Variants in KDM2B observed in about 807,000 individuals in gnomAD.
KDM2B encodes the protein lysine demethylase 2B.
KDM2B carries 26 observed loss-of-function variants against 150.0 expected under a neutral mutation model. The ratio of observed to expected loss-of-function variants is 0.17; its 90% CI spans 0.13 to 0.24. KDM2B has a LOEUF of 0.24. Among genes scored for constraint, KDM2B ranks in the 10% least tolerant of loss-of-function variants. The pLI is 1.00. For missense variants in KDM2B, 1,265 were observed against 1,816.9 expected (o/e 0.70, Z 5.52); for synonymous variants, 734 against 729.5 (o/e 1.01, Z -0.10).
At chr12:121,534,469 T>C (rs782808105) in intron 7 of KDM2B, 28 bp downstream of exon 7, 24 of 1,555,550 alleles carry the variant, frequency 1.5e-5, no homozygotes, top group Non-Finnish European at 1.9e-5. Flanking sequence ...TAGAGATGCA[T>C]AGAAAGTTAA....
chr12:121,435,289 T>C (rs1164230403), intron 22 of KDM2B, among the ~76,000 whole-genome samples: 5 of 152,228 alleles, frequency 3.3e-5, no homozygotes, highest in Non-Finnish European at 7.3e-5. Context: ...ATATTATGTA[T>C]TATTTTACTA....
chr12:121,522,350 T>A (rs1886764323), intron 8 of KDM2B, among the ~76,000 whole-genome samples: 1 of 148,040 alleles, frequency 6.8e-6, no homozygotes, highest in Admixed American at 6.7e-5. Flanking sequence ...ACCCTGTCTC[T>A]ATTAAAAATA....
Position 121,452,056 on chromosome 12 carries a change from A to T in KDM2B, c.1959+1064T>A, listed in dbSNP as rs1877373085. 2.6e-5 allele frequency among the ~76,000 whole-genome samples: 4 copies of T among 152,312 alleles called. No homozygotes were observed. The South Asian group carries it at 8.3e-4, about 32-fold the overall frequency. ...TAAACAAGCCAATCCAATCACAGAA[A>T]GCCAATTACTGCATAATTCCACTTC... is the stretch of plus-strand genomic sequence containing the variant. On this transcript the variant is annotated intron_variant, in intron 13 of 22. Transcript: ENST00000377071. This position sits in a 1 kb window ranked among gnomAD's most constrained non-coding sequence, Gnocchi z 4.4.
chr12:121,443,504 G>C (rs1875552576), intron 17 of KDM2B, 176 bp downstream of exon 17: 1 of 617,218 alleles, frequency 1.6e-6, no homozygotes, highest in Non-Finnish European at 2.9e-6. Context: ...AGAGGCTCTA[G>C]GCACAGACAG....
At chr12:121,528,575 T>TAATAAATA (rs56986386) in intron 8 of KDM2B, among the ~76,000 whole-genome samples, 2,304 of 148,908 alleles carry the variant, frequency 0.015, 66 homozygotes, top group African/African-American at 0.054. Flanking sequence ...AATGAAAAAA[T>TAATAAATA]AATAAATAAA....
chr12:121,416,257 C>T, the KDM2B span: 2 of 1,614,040 alleles, frequency 1.2e-6, no homozygotes, highest in Admixed American at 1.7e-5. Context: ...TTGCAGGAGC[C>T]ACCGGTCCAT....
intron 12 of KDM2B, among the ~76,000 whole-genome samples, chr12:121,493,465 C>A (rs1391540508): frequency 6.6e-6 from 1 of 152,070 alleles, no homozygotes; most frequent in South Asian, 2.1e-4. Flanking sequence ...AGTGAAGCTG[C>A]GTGGAGGCAG....
At chr12:121,558,508 C>T (rs1206541598) in intron 4 of KDM2B, among the ~76,000 whole-genome samples, 1 of 146,520 alleles carries the variant, frequency 6.8e-6, no homozygotes, top group Non-Finnish European at 1.5e-5. Context: ...GGCTAGAGTA[C>T]AGTGGTGCGA....
At chr12:121,426,091 G>A (rs909436511), downstream of KDM2B, among the ~76,000 whole-genome samples, 3 of 152,114 alleles carry the variant, frequency 2.0e-5, no homozygotes, top group Non-Finnish European at 4.4e-5. Flanking sequence ...ACTTGGTGGT[G>A]GCAAGTCTTT....
chr12:121,509,097 T>C lies in KDM2B; in HGVS notation c.1647+470A>G, dbSNP rs148559408. Among the ~76,000 whole-genome samples, 1,110 of 152,234 alleles carry C rather than the reference T, an allele frequency of 7.3e-3. 19 individuals are homozygous for C. The highest frequency in any genetic ancestry group is 0.025 in the African/African-American group (1,030 of 41,542). Reference sequence around the variant, plus strand: ...TTTTTGAGACAGAGTCTTGCTCTGTTGCCCAGGCTGGAGTGCAGTGGTGCG... The same window carrying C: ...TTTTTGAGACAGAGTCTTGCTCTGTCGCCCAGGCTGGAGTGCAGTGGTGCG... On this transcript the variant is annotated intron_variant, in intron 11 of 22. Coordinates refer to ENST00000377071, the MANE Select transcript of KDM2B (RefSeq NM_032590.5).
At chr12:121,421,385 A>ACAAC in the KDM2B span, among the ~76,000 whole-genome samples, 2,886 of 147,378 alleles carry the variant, frequency 0.02, 124 homozygotes, top group South Asian at 0.15. Context: ...AAAAAAAAAA[A>ACAAC]AAAAAAAAAA....
At chr12:121,473,547 T>C (rs1880999307) in intron 12 of KDM2B, among the ~76,000 whole-genome samples, 1 of 151,316 alleles carries the variant, frequency 6.6e-6, no homozygotes, top group Non-Finnish European at 1.5e-5. Flanking sequence ...GGAGAAACCC[T>C]GTCTCTACTA....
intron 12 of KDM2B, among the ~76,000 whole-genome samples, chr12:121,480,890 GA>G (rs1328348040): frequency 7.4e-5 from 11 of 148,744 alleles, no homozygotes; most frequent in Middle Eastern, 3.5e-3. Flanking sequence ...TAAATGACAA[GA>G]AAAAAAATGC....
chr12:121,509,047 G>A (rs1248679525), intron 11 of KDM2B, among the ~76,000 whole-genome samples: 1 of 152,010 alleles, frequency 6.6e-6, no homozygotes, highest in Non-Finnish European at 1.5e-5. Flanking sequence ...GGTTCCAAAA[G>A]GGGGTCCTCT....
At chr12:121,502,304 C>A (rs994563732) in intron 11 of KDM2B, among the ~76,000 whole-genome samples, 7 of 152,140 alleles carry the variant, frequency 4.6e-5, no homozygotes, top group African/African-American at 2.4e-5. Context: ...CACAGGGATT[C>A]GGTCTAATGC....
chr12:121,479,656 C>G (rs937752497), intron 12 of KDM2B, among the ~76,000 whole-genome samples: 3 of 151,852 alleles, frequency 2.0e-5, no homozygotes, highest in African/African-American at 7.2e-5. Context: ...GAGTCTTGCT[C>G]TGTTGCCCAG....
chr12:121,444,146 C>T lies in KDM2B; in HGVS notation c.2317G>A (p.Ala773Thr). ...PAKRRSECEE[A>T]PRRRSDEHSK... ...TGCTCATCCGACCTGCGCCGGGGCG[C>T]CTCCTCACACTCACTCCTCCGCTTG... Residue 773 changes from alanine to threonine, a missense_variant, in exon 16 of 23, where the codon GCG (alanine) becomes ACG (threonine). Physicochemically the swap from Ala to Thr is moderately conservative, Grantham distance 58. Coordinates refer to ENST00000377071, the MANE Select transcript of KDM2B (RefSeq NM_032590.5). 6.2e-7 allele frequency: 1 copy of T among 1,612,658 alleles called. No homozygotes were observed. Among genetic ancestry groups the T allele is most frequent in the South Asian group, 1.1e-5 (1 of 91,092 alleles).
chr12:121,520,314 T>C lies in KDM2B; in HGVS notation c.1047+671A>G, dbSNP rs1191213942. 5.9e-5 allele frequency among the ~76,000 whole-genome samples: 9 copies of C among 152,108 alleles called. No individual in the cohort carries two copies. The highest frequency in any genetic ancestry group is 5.9e-4 in the Admixed American group (9 of 15,274). On this transcript the variant is annotated intron_variant, in intron 9 of 22. Transcript: ENST00000377071. The surrounding 1 kb of genome is among the most constrained non-coding windows in gnomAD (Gnocchi z 4.5). ...ACTTGTCCTTTTCAGGGGACACTTG[T>C]GGAGCGAAGGACACACATCAGTTAC... is the stretch of plus-strand genomic sequence containing the variant.
intron 11 of KDM2B, among the ~76,000 whole-genome samples, chr12:121,499,751 A>T (rs1555301590): frequency 6.6e-6 from 1 of 151,770 alleles, no homozygotes; most frequent in African/African-American, 2.4e-5. Flanking sequence ...AGTTCAAGAC[A>T]AGCCTGTCCA....
Sources: gnomAD v4.1 joint callset for allele counts (sites outside exome capture counted in the v4.1 genomes callset) on GRCh38, gnomAD v4.1.1 for gene constraint, Gnocchi (gnomAD v3.1) non-coding constraint, MANE v1.5 for transcripts, NCBI Gene and HGNC (gene_info 2026-07-23, HGNC 2026-07-21) for gene names.